Variants in GOLPH3L observed in about 807,000 individuals in gnomAD.
GOLPH3L encodes the protein Golgi phosphoprotein 3-like.
Under a neutral mutation model 30.3 loss-of-function variants are expected in GOLPH3L, and 22 were observed. The observed-to-expected ratio is 0.73, with a 90% CI of 0.52 to 1.04. The LOEUF (loss-of-function observed/expected upper bound fraction) is 1.04. Ranked by LOEUF, GOLPH3L falls within the 50% of genes least tolerant of loss-of-function variation. The pLI, the probability that GOLPH3L is intolerant of heterozygous loss-of-function variation, is 0.00. For synonymous variants in GOLPH3L, 120 were observed against 128.2 expected (o/e 0.94, Z 0.43); for missense variants, 303 against 345.8 (o/e 0.88, Z 0.98).
chr1:150,693,054 T>C lies in GOLPH3L; in HGVS notation c.183+1602A>G, dbSNP rs76770524. On this transcript the variant is annotated intron_variant, in intron 2 of 4. Transcript: ENST00000271732. ...TTTGCCTTTTCGTTTATTTGCCTTT[T>C]ATAAAACTGAAGGCTCATCAACTTC... Among the ~76,000 whole-genome samples, 134 of 152,346 alleles carry C rather than the reference T, an allele frequency of 8.8e-4. 3 individuals are homozygous for C. The East Asian group carries it at 0.025, about 28-fold the overall frequency.
At chr1:150,679,085 A>C (rs962687997) in intron 2 of GOLPH3L, among the ~76,000 whole-genome samples, 1 of 152,198 alleles carries the variant, frequency 6.6e-6, no homozygotes, top group African/African-American at 2.4e-5. Flanking sequence ...AGGAAAAACA[A>C]GTTTGTGTGA....
intron 2 of GOLPH3L, among the ~76,000 whole-genome samples, chr1:150,689,421 T>C (rs1488251370): frequency 6.6e-6 from 1 of 152,190 alleles, no homozygotes; most frequent in Non-Finnish European, 1.5e-5. Flanking sequence ...TCAAAACTCT[T>C]ACCAAAGGCA....
At position 150,663,685 on chromosome 1, in the gene GOLPH3L, G is replaced by C. The variant is rs1571039877; in HGVS notation, c.262C>G (p.Arg88Gly). The change falls in exon 3 of 5, where the codon CGA (arginine) becomes GGA (glycine). Residue 88 changes from arginine (R) to glycine (G), a missense_variant. Arg to Gly is a moderately radical substitution (Grantham distance 125). Coordinates refer to ENST00000271732, the MANE Select transcript of GOLPH3L (RefSeq NM_018178.6). The part of the protein sequence containing the change: ...GILIELAMRG[R>G]IYLEPPTMRK... ...ATGGTCGGGGGTTCCAGATAGATTC[G>C]ACCCCGCATGGCCAGCTCTATCAGG... 6.2e-7 allele frequency: 1 copy of C among 1,613,608 alleles called. No individual in the cohort carries two copies. Among genetic ancestry groups the C allele is most frequent in the Non-Finnish European group, 8.5e-7 (1 of 1,179,682 alleles).
At chr1:150,691,793 G>A (rs587753777) in intron 2 of GOLPH3L, among the ~76,000 whole-genome samples, 10 of 151,730 alleles carry the variant, frequency 6.6e-5, no homozygotes, top group African/African-American at 2.2e-4. Flanking sequence ...ATATTTTTGT[G>A]TTTGGCTTTT....
intron 2 of GOLPH3L, among the ~76,000 whole-genome samples, chr1:150,694,335 G>A (rs192015962): frequency 1.8e-4 from 27 of 152,140 alleles, no homozygotes; most frequent in Non-Finnish European, 3.1e-4. Flanking sequence ...GTGGGCCCTT[G>A]TTCTTACTTT....
intron 2 of GOLPH3L, among the ~76,000 whole-genome samples, chr1:150,677,628 C>CTT (rs766263859): frequency 1.5e-5 from 2 of 135,600 alleles, no homozygotes; most frequent in Non-Finnish European, 1.6e-5. Flanking sequence ...TCAAACATTT[C>CTT]TTTTTTTTTT....
chr1:150,655,113 A>G (rs1290527231), intron 4 of GOLPH3L, among the ~76,000 whole-genome samples: 2 of 152,214 alleles, frequency 1.3e-5, no homozygotes, highest in Admixed American at 6.5e-5. Flanking sequence ...TTATTGGATG[A>G]ATCAAATTAC....
chr1:150,648,929 G>A (rs1219937960), intron 4 of GOLPH3L, among the ~76,000 whole-genome samples, 181 bp from the exon 5 acceptor site: 1 of 152,120 alleles, frequency 6.6e-6, no homozygotes, highest in East Asian at 1.9e-4. Flanking sequence ...CATTAAACCA[G>A]CTTCAAAAAA....
At chr1:150,691,356 A>G (rs1321790481) in intron 2 of GOLPH3L, among the ~76,000 whole-genome samples, 1 of 152,066 alleles carries the variant, frequency 6.6e-6, no homozygotes, top group African/African-American at 2.4e-5. Flanking sequence ...TCTCTACTAA[A>G]AATACAAAAA....
At chr1:150,686,131 C>T (rs1205865942) in intron 2 of GOLPH3L, among the ~76,000 whole-genome samples, 2 of 58,036 alleles carry the variant, frequency 3.4e-5, no homozygotes, top group African/African-American at 1.0e-4. Flanking sequence ...CCTTGGCCTC[C>T]CAAAGTGCTA....
At chr1:150,689,685 C>T (rs1386787315) in intron 2 of GOLPH3L, among the ~76,000 whole-genome samples, 1 of 152,134 alleles carries the variant, frequency 6.6e-6, no homozygotes, top group Admixed American at 6.6e-5. Flanking sequence ...TACTCTGTCA[C>T]CCAGGCTAGA....
intron 2 of GOLPH3L, among the ~76,000 whole-genome samples, chr1:150,664,815 G>A (rs1288293842): frequency 6.6e-6 from 1 of 152,070 alleles, no homozygotes; most frequent in Admixed American, 6.6e-5. Context: ...CCTTGGTTAT[G>A]TTACTTAAAC....
intron 2 of GOLPH3L, among the ~76,000 whole-genome samples, chr1:150,675,307 A>G (rs993556220): frequency 2.6e-5 from 4 of 151,840 alleles, no homozygotes; most frequent in African/African-American, 9.7e-5. Context: ...CTTGATTACT[A>G]GCATATACAC....
intron 4 of GOLPH3L, among the ~76,000 whole-genome samples, chr1:150,658,638 A>C (rs1650301659): frequency 6.6e-6 from 1 of 152,226 alleles, no homozygotes; most frequent in South Asian, 2.1e-4. Context: ...ATCATTACTG[A>C]TTGGTCCCAT....
At chr1:150,670,378 A>G (rs1303780034) in intron 2 of GOLPH3L, among the ~76,000 whole-genome samples, 3 of 152,096 alleles carry the variant, frequency 2.0e-5, no homozygotes, top group Non-Finnish European at 2.9e-5. Flanking sequence ...CGAGTGGATC[A>G]TGAGGTCAGG....
intron 2 of GOLPH3L, among the ~76,000 whole-genome samples, chr1:150,688,900 A>C (rs972523415): frequency 6.6e-6 from 1 of 152,026 alleles, no homozygotes; most frequent in Non-Finnish European, 1.5e-5. Flanking sequence ...ACACTTATAC[A>C]CATATCACAT....
intron 2 of GOLPH3L, among the ~76,000 whole-genome samples, chr1:150,669,420 T>A (rs1333016594): frequency 6.6e-6 from 1 of 152,192 alleles, no homozygotes; most frequent in East Asian, 1.9e-4. Flanking sequence ...CTATCTAACT[T>A]AGTGAATTCT....
chr1:150,685,607 C>T (rs587594967), intron 2 of GOLPH3L, among the ~76,000 whole-genome samples: 1 of 152,070 alleles, frequency 6.6e-6, no homozygotes, highest in Admixed American at 6.6e-5. Context: ...CCCAGCTACT[C>T]AGGAGGCTGA....
At chr1:150,661,369 G>A (rs1005829393) in intron 4 of GOLPH3L, among the ~76,000 whole-genome samples, 34 of 152,060 alleles carry the variant, frequency 2.2e-4, no homozygotes, top group Non-Finnish European at 4.0e-4. Context: ...AAACTTGTCC[G>A]TGCGTGTTCA....
Sources: allele counts gnomAD v4.1 joint callset (sites outside exome capture counted in the v4.1 genomes callset), GRCh38; gene constraint gnomAD v4.1.1; transcripts MANE v1.5; gene names NCBI Gene and HGNC (gene_info 2026-07-23, HGNC 2026-07-21).